The following HACD3 variants were observed in gnomAD, a reference collection of about 807,000 sequenced individuals.
HACD3 encodes very-long-chain (3R)-3-hydroxyacyl-CoA dehydratase 3.
HACD3 carries 30 observed loss-of-function variants against 55.2 expected under a neutral mutation model. That is an observed-to-expected ratio of 0.54 (90% CI 0.41 to 0.74). The LOEUF is 0.74. Ranked by LOEUF, HACD3 falls within the 30% of genes least tolerant of loss-of-function variation. HACD3 has a pLI of 0.00. For missense variants in HACD3, 363 were observed against 440.1 expected (o/e 0.82, Z 1.57); for synonymous variants, 141 against 151.7 (o/e 0.93, Z 0.52).
intron 6 of HACD3, among the ~76,000 whole-genome samples, chr15:65,563,512 T>C (rs893090843): frequency 2.6e-5 from 4 of 152,130 alleles, no homozygotes; most frequent in African/African-American, 9.7e-5. Flanking sequence ...TACCTGATAA[T>C]GAAAGTATGG....
At chr15:65,552,431 G>A (rs776326525) in intron 2 of HACD3, among the ~76,000 whole-genome samples, 9 of 152,158 alleles carry the variant, frequency 5.9e-5, no homozygotes, top group African/African-American at 1.9e-4. Flanking sequence ...CGCCTCCTGG[G>A]TTCAAGTGAT....
At position 65,572,379 on chromosome 15, in the gene HACD3, T is replaced by C; in HGVS notation, c.1012+13T>C. Reference sequence around the variant, plus strand: ...ATGATATTTTTAGGTAAGTATTGATTCTTTAATACAGACTTTTTCTTGTCA... The same window carrying C: ...ATGATATTTTTAGGTAAGTATTGATCCTTTAATACAGACTTTTTCTTGTCA... On this transcript the variant is annotated intron_variant, in intron 10 of 10. Coordinates refer to ENST00000261875, the MANE Select transcript of HACD3 (RefSeq NM_016395.4). 6.4e-7 allele frequency: 1 copy of C among 1,562,122 alleles called. No homozygotes were observed. Among genetic ancestry groups the C allele is most frequent in the Non-Finnish European group, 8.7e-7 (1 of 1,150,172 alleles).
intron 3 of HACD3, among the ~76,000 whole-genome samples, chr15:65,555,781 C>T (rs923994877): frequency 6.6e-6 from 1 of 152,206 alleles, no homozygotes; most frequent in African/African-American, 2.4e-5. Context: ...TGATCCAATA[C>T]AGTTCTGATC....
intron 1 of HACD3, among the ~76,000 whole-genome samples, chr15:65,539,205 C>G (rs932678328): frequency 6.0e-5 from 8 of 132,418 alleles, no homozygotes; most frequent in Non-Finnish European, 1.2e-4. Flanking sequence ...TGTTCAGTGA[C>G]AGGACTTTTT....
At chr15:65,547,818 T>C (rs571162434) in intron 1 of HACD3, among the ~76,000 whole-genome samples, 3 of 152,336 alleles carry the variant, frequency 2.0e-5, no homozygotes, top group South Asian at 2.1e-4. Context: ...ATGGGATGAA[T>C]TGATTTCAGT....
chr15:65,567,148 C>T (rs9806451), intron 7 of HACD3, among the ~76,000 whole-genome samples: 8,875 of 151,724 alleles, frequency 0.058, 361 homozygotes, highest in Non-Finnish European at 0.082. Context: ...CATAGTGAGA[C>T]CCCATTTCTA....
rs375250887 is a variant in HACD3, at chr15:65,566,941, A to G, written c.660+2599A>G. 1.1e-4 allele frequency: 17 copies of G among 152,360 alleles called. No individual in the cohort carries two copies. In the East Asian group the frequency reaches 2.9e-3, roughly 26 times the overall value. 9.4% of individuals were successfully genotyped at this position (152,360 alleles called of 1,614,324 possible). ...AAACCTACCTTCAGTCTCCTTAGTT[A>G]GAAATGTATGTGGTCTCCTCCCACC... is the stretch of plus-strand genomic sequence containing the variant. On this transcript the variant is annotated intron_variant, in intron 7 of 10. Transcript: ENST00000261875.
intron 1 of HACD3, among the ~76,000 whole-genome samples, chr15:65,539,769 A>G (rs571290038): frequency 2.0e-5 from 3 of 152,352 alleles, no homozygotes; most frequent in Admixed American, 6.5e-5. Context: ...ACACTGTACA[A>G]CAGCTACAAT....
At chr15:65,530,865 G>A (rs1321221375) in intron 1 of HACD3, 147 bp downstream of exon 1, 1 of 788,246 alleles carries the variant, frequency 1.3e-6, no homozygotes, top group Non-Finnish European at 1.9e-6. Flanking sequence ...CGGCGTGCTG[G>A]CGCTTTTCGA....
chr15:65,571,713 G>C (rs1165684313), intron 9 of HACD3, 59 bp downstream of exon 9: 2 of 1,322,154 alleles, frequency 1.5e-6, no homozygotes, highest in East Asian at 4.7e-5. Flanking sequence ...CAGAGGCTGA[G>C]AGACCAGTCC....
In HACD3 at chr15:65,571,606, C is replaced by T. The variant is rs143107393; in HGVS notation, c.832C>T (p.Arg278Cys). 2.5e-6 allele frequency: 4 copies of T among 1,613,912 alleles called. No homozygotes were observed. The highest frequency in any genetic ancestry group is 2.2e-5 in the East Asian group (1 of 44,890). Residue 278 changes from arginine (R) to cysteine (C), a missense_variant, in exon 9 of 11, where the codon CGT becomes TGT. Transcript: ENST00000261875. ...GGATTGGAAGGTGCTCACATGGCTTCGTTACACTCTGTGGATTCCCTTATA... is the reference window on the plus strand; with the variant it reads ...GGATTGGAAGGTGCTCACATGGCTTTGTTACACTCTGTGGATTCCCTTATA... ...DMDWKVLTWL[R>C]YTLWIPLYPL...
chr15:65,542,361 C>T lies in HACD3; in HGVS notation c.88-9315C>T, dbSNP rs148672658. Among the ~76,000 whole-genome samples the T allele has an allele frequency of 1.2e-3, 181 of 152,074 alleles. 1 individual carries two copies. Among genetic ancestry groups the T allele is most frequent in the African/African-American group, 4.3e-3 (177 of 41,508 alleles). On this transcript the variant is annotated intron_variant, in intron 1 of 10. Coordinates refer to ENST00000261875, the MANE Select transcript of HACD3 (RefSeq NM_016395.4). ...TCACTGCAGTCTCCACCTCTCAGGC[C>T]CAAGTGAACCTCCTACCTCAGTCTC...
chr15:65,549,515 G>A (rs188087523), intron 1 of HACD3, among the ~76,000 whole-genome samples: 82 of 148,200 alleles, frequency 5.5e-4, no homozygotes, highest in African/African-American at 2.0e-3. Flanking sequence ...CAGAAGAATC[G>A]CTTGAGCCTG....
At chr15:65,566,208 C>T (rs1192611786) in intron 7 of HACD3, 1 of 152,342 alleles carries the variant, frequency 6.6e-6, no homozygotes, top group Non-Finnish European at 1.5e-5. Context: ...CTACATTTTC[C>T]TATCTTCTTC....
chr15:65,562,829 G>A lies in HACD3; in HGVS notation c.477G>A (p.Leu159=). 1.2e-6 allele frequency: 2 copies of A among 1,613,788 alleles called. No homozygotes were observed. Among genetic ancestry groups the A allele is most frequent in the Non-Finnish European group, 1.7e-6 (2 of 1,179,858 alleles). Residue 159 remains leucine, a synonymous_variant, in exon 6 of 11, where the codon TTG becomes TTA. Coordinates refer to ENST00000261875, the MANE Select transcript of HACD3 (RefSeq NM_016395.4). The stretch of plus-strand genomic sequence containing the variant: ...TTATGTATAATCTTGTGCAATTCTT[G>A]GGATTCTCCTGGATCTTTGTCAACC... ...YLFMYNLVQF[L]GFSWIFVNLT...
chr15:65,544,191 A>G (rs1246359362), intron 1 of HACD3, among the ~76,000 whole-genome samples: 1 of 152,104 alleles, frequency 6.6e-6, no homozygotes, highest in Non-Finnish European at 1.5e-5. Flanking sequence ...AAAAGAAAAA[A>G]ATAAAAAGAA....
chr15:65,535,688 T>C, intron 1 of HACD3: 3 of 469,016 alleles, frequency 6.4e-6, no homozygotes, highest in South Asian at 3.9e-5. Flanking sequence ...TCAGTGATCT[T>C]TGATGTTAAC....
intron 4 of HACD3, among the ~76,000 whole-genome samples, chr15:65,557,500 A>G (rs561409698): frequency 4.0e-5 from 6 of 151,856 alleles, no homozygotes; most frequent in Non-Finnish European, 7.4e-5. Context: ...ACATACTGTC[A>G]ACGTGACACA....
chr15:65,530,811 A>AGAGCCTGCAGTGCGCCAAC, intron 1 of HACD3, 93 bp downstream of exon 1: 1 of 1,237,884 alleles, frequency 8.1e-7, no homozygotes, highest in Non-Finnish European at 1.1e-6. Context: ...TGCGCGCCGG[A>AGAGCCTGCAGTGCGCCAAC]GAGCCTGCAG....
Sources: allele counts gnomAD v4.1 joint callset (sites outside exome capture counted in the v4.1 genomes callset), GRCh38; gene constraint gnomAD v4.1.1; transcripts MANE v1.5; gene names NCBI Gene and HGNC (gene_info 2026-07-23, HGNC 2026-07-21).